Variants in MBTPS1 observed in about 807,000 individuals in gnomAD.
MBTPS1 encodes membrane bound transcription factor peptidase, site 1.
A neutral mutation model predicts 127.8 loss-of-function variants in MBTPS1; 94 were observed. The ratio of observed to expected loss-of-function variants is 0.74; its 90% CI spans 0.62 to 0.87. The LOEUF (loss-of-function observed/expected upper bound fraction) is 0.87. Among genes scored for constraint, MBTPS1 ranks in the 40% least tolerant of loss-of-function variants. The pLI is 0.00. For synonymous variants in MBTPS1, 632 were observed against 509.4 expected, an observed-to-expected ratio of 1.24 and a Z score of -3.24; for missense variants, 1,636 against 1,353.2, an observed-to-expected ratio of 1.21 and a Z score of -3.28.
chr16:84,097,795 T>TA (rs1343128459), intron 3 of MBTPS1, among the ~76,000 whole-genome samples: 2 of 152,062 alleles, frequency 1.3e-5, no homozygotes, highest in Non-Finnish European at 2.9e-5. Context: ...TCAGACGCCT[T>TA]AAGTTTACAC....
Position 84,100,999 on chromosome 16 carries a change from CA to C in MBTPS1, c.163+621del, listed in dbSNP as rs562200642. ...TGAAACCCCGTCTCTACTAAAAATA[CA>C]AAAAAAAAAAAAAAAAAAGGCCTGG... On this transcript the variant is annotated intron_variant, in intron 2 of 22. Coordinates refer to ENST00000343411, the MANE Select transcript of MBTPS1 (RefSeq NM_003791.4). Among the ~76,000 whole-genome samples, 624 of 68,548 alleles carry C rather than the reference CA, an allele frequency of 9.1e-3. 2 individuals carry two copies. Among genetic ancestry groups the C allele is most frequent in the African/African-American group, 0.026 (472 of 17,846 alleles). The allele number at this position is 68,548 out of a possible 152,430, so 45.0% of individuals were successfully genotyped here.
In MBTPS1 at chr16:84,069,763, C is replaced by T. The variant is rs2085742805; in HGVS notation, c.1955+103G>A. On this transcript the variant is annotated intron_variant, in intron 14 of 22. Coordinates refer to ENST00000343411, the MANE Select transcript of MBTPS1 (RefSeq NM_003791.4). ...TCTCAGCGTCATCAGAGTCCAGGCT[C>T]CACGAGAAGCTGAGCAACATCTTTC... 4 of 1,118,154 alleles carry T rather than the reference C, an allele frequency of 3.6e-6. No individual in the cohort carries two copies. In the South Asian group the frequency reaches 4.6e-5, roughly 13 times the overall value. The allele number at this position is 1,118,154 out of a possible 1,614,324, so 69.3% of individuals were successfully genotyped here. A position where few individuals can be genotyped will look rare whatever the true frequency, so the allele number is the denominator to read the frequency against.
At chr16:84,070,554 TAAG>T in intron 13 of MBTPS1, 31 bp downstream of exon 13, 1 of 1,604,742 alleles carries the variant, frequency 6.2e-7, no homozygotes, top group South Asian at 1.1e-5. Flanking sequence ...GTCAAACAGC[TAAG>T]AAAACAAGCC....
intron 21 of MBTPS1, chr16:84,056,849 A>G (rs1196996790): frequency 6.6e-6 from 1 of 152,264 alleles, no homozygotes. Context: ...CGAAGAAGAC[A>G]GAGAGGTTGA....
In MBTPS1 at chr16:84,065,745, G is replaced by T. The variant is rs1025889622; in HGVS notation, c.2376C>A (p.Ser792Arg). The T allele has an allele frequency of 6.2e-7, 1 of 1,608,264 alleles. No homozygotes were observed. The highest frequency in any genetic ancestry group is 1.3e-5 in the African/African-American group (1 of 74,580). ...CGCCATCTTCTGGAAACTTCGCGAT[G>T]CTGCACCCTGACGCATAATACACTA... is the stretch of plus-strand genomic sequence containing the variant. The part of the protein sequence containing the change: ...NHDMYYASGC[S>R]IAKFPEDGVV... Residue 792 changes from serine (S) to arginine (R), a missense_variant, in exon 18 of 23, where the codon AGC (serine) becomes AGA (arginine). Physicochemically the swap from Ser to Arg is moderately radical, Grantham distance 110. Transcript: ENST00000343411.
chr16:84,060,613 C>CGG (rs2085595236), intron 20 of MBTPS1, 69 bp downstream of exon 20: 12 of 1,556,568 alleles, frequency 7.7e-6, no homozygotes, highest in Admixed American at 1.8e-5. Context: ...GGCACAGCCA[C>CGG]TGGCTGAAGT....
Position 84,084,995 on chromosome 16 carries a change from G to A in MBTPS1, c.1274C>T (p.Thr425Ile). 1 of 1,614,054 alleles carries A rather than the reference G, an allele frequency of 6.2e-7. No homozygotes were observed. The highest frequency in any genetic ancestry group is 1.1e-5 in the South Asian group (1 of 91,048). Residue 425 changes from threonine (T) to isoleucine (I), a missense_variant, in exon 10 of 23, where the codon ACC becomes ATC. By Grantham distance (89) the Thr-to-Ile change is moderately conservative. Transcript: ENST00000343411. ...GGGCAGCACTCACCTCACTAACAAG[G>A]TGACAGCACCTGCAACCACTGGAGA... Reference protein sequence around the residue: ...VASPVVAGAVTLLVSTVQKRE... With the variant: ...VASPVVAGAVILLVSTVQKRE...
intron 10 of MBTPS1, among the ~76,000 whole-genome samples, chr16:84,082,460 A>T (rs1172266285): frequency 2.0e-5 from 3 of 152,322 alleles, no homozygotes; most frequent in Non-Finnish European, 4.4e-5. Flanking sequence ...AGAACGACAT[A>T]GACCTAAGGC....
chr16:84,055,383 G>A (rs1172480421), intron 22 of MBTPS1, among the ~76,000 whole-genome samples: 1 of 152,210 alleles, frequency 6.6e-6, no homozygotes, highest in Admixed American at 6.5e-5. Context: ...CTCTTTGGAA[G>A]AGTACAGGGG....
In MBTPS1 at chr16:84,087,358, C is replaced by T; in HGVS notation, c.1134G>A (p.Trp378Ter). The change falls in exon 9 of 23, where the codon TGG becomes TGA. Residue 378 changes from tryptophan (W) to a stop codon, truncating the protein, a stop_gained and splice_region_variant. Transcript: ENST00000343411. LOFTEE classifies it high-confidence loss of function. ...AATTATTTAGCAAAGAAGAGCGTACCCAGGTAGTCATTCCCCTTGAAGAAA... is the reference window on the plus strand; with the variant it reads ...AATTATTTAGCAAAGAAGAGCGTACTCAGGTAGTCATTCCCCTTGAAGAAA... ...ARFSSRGMTT[W>*]ELPGGYGRMK... 2 of 1,609,328 alleles carry T rather than the reference C, an allele frequency of 1.2e-6. No individual in the cohort carries two copies. The highest frequency in any genetic ancestry group is 1.1e-5 in the South Asian group (1 of 90,926).
At position 84,081,876 on chromosome 16, in the gene MBTPS1, G is replaced by A; in HGVS notation, c.1319C>T (p.Ala440Val). 6.7e-7 allele frequency: 1 copy of A among 1,482,836 alleles called. No homozygotes were observed. Among genetic ancestry groups the A allele is most frequent in the South Asian group, 1.4e-5 (1 of 71,834 alleles). 91.9% of individuals were successfully genotyped at this position (1,482,836 alleles called of 1,614,324 possible). The change falls in exon 11 of 23, where the codon GCC (alanine) becomes GTC (valine). Residue 440 changes from alanine (A) to valine (V), a missense_variant. Ala to Val is a moderately conservative substitution (Grantham distance 64). Transcript: ENST00000343411. ...CGCGATCAGGGCCTGCTTCATACTG[G>A]CGGGATTCACCAGCTCACGCTTCTG... ...TVQKRELVNPASMKQALIASA... is the reference protein window; with the variant it reads ...TVQKRELVNPVSMKQALIASA...
intron 3 of MBTPS1, 79 bp downstream of exon 3, chr16:84,098,974 C>T: frequency 7.4e-7 from 1 of 1,349,610 alleles, no homozygotes; most frequent in Non-Finnish European, 1.0e-6. Context: ...ACTCACTGTA[C>T]TATTTTTCAA....
chr16:84,111,394 G>C (rs2086394417), intron 1 of MBTPS1, among the ~76,000 whole-genome samples: 1 of 152,008 alleles, frequency 6.6e-6, no homozygotes, highest in East Asian at 1.9e-4. Context: ...ACAAAAATTA[G>C]CTAGGTAATG....
chr16:84,059,683 C>A (rs1597301540), intron 20 of MBTPS1: 1 of 325,682 alleles, frequency 3.1e-6, no homozygotes, highest in Non-Finnish European at 5.8e-6. Flanking sequence ...GATGTGTGCA[C>A]AGCACTGGCT....
At chr16:84,059,613 G>A (rs955155445) in intron 20 of MBTPS1, 185 bp from the exon 21 acceptor site, 45 of 506,744 alleles carry the variant, frequency 8.9e-5, no homozygotes, top group East Asian at 1.3e-4. Flanking sequence ...CCCGGACAAT[G>A]TGTGTTTCCA....
intron 8 of MBTPS1, among the ~76,000 whole-genome samples, chr16:84,087,944 G>A (rs1467508995): frequency 6.6e-6 from 1 of 152,132 alleles, no homozygotes; most frequent in Non-Finnish European, 1.5e-5. Flanking sequence ...CCAAGGTCAG[G>A]AAGTGGTAAG....
At chr16:84,091,247 A>T (rs2086102086) in intron 7 of MBTPS1, among the ~76,000 whole-genome samples, 1 of 152,128 alleles carries the variant, frequency 6.6e-6, no homozygotes, top group African/African-American at 2.4e-5. Flanking sequence ...GCACTTTGAA[A>T]GGCTGAGGTG....
intron 20 of MBTPS1, 85 bp downstream of exon 20, chr16:84,060,597 C>G (rs1392836061): frequency 3.3e-6 from 5 of 1,505,088 alleles, no homozygotes; most frequent in Non-Finnish European, 4.5e-6. Flanking sequence ...GCCCCACTTG[C>G]TGGCAGGCAC....
intron 1 of MBTPS1, among the ~76,000 whole-genome samples, chr16:84,115,892 A>C (rs1433993621): frequency 6.6e-6 from 1 of 152,178 alleles, no homozygotes; most frequent in East Asian, 1.9e-4. Flanking sequence ...ACTTCAATGA[A>C]GCTCTTACAT....
Sources: gnomAD v4.1 joint callset for allele counts (sites outside exome capture counted in the v4.1 genomes callset) on GRCh38, gnomAD v4.1.1 for gene constraint, MANE v1.5 for transcripts, NCBI Gene and HGNC (gene_info 2026-07-23, HGNC 2026-07-21) for gene names.